DLGAP4: variants seen among roughly 807,000 people sequenced by gnomAD.
DLGAP4 encodes DLG associated protein 4, also known as disks large-associated protein 4.
DLGAP4 carries 18 observed loss-of-function variants against 86.9 expected under a neutral mutation model. The observed-to-expected ratio is 0.21, with a 90% CI of 0.14 to 0.31. The LOEUF (loss-of-function observed/expected upper bound fraction) is 0.31. DLGAP4 is among the 10% of genes least tolerant of loss of function. The probability of loss-of-function intolerance (pLI) is 1.00; values close to 1 mark genes in which losing one functional copy is unlikely to be tolerated. For missense variants in DLGAP4, 1,085 were observed against 1,362.6 expected, an observed-to-expected ratio of 0.80 and a Z score of 3.21; for synonymous variants, 548 against 574.3, an observed-to-expected ratio of 0.95 and a Z score of 0.65.
At chr20:36,313,825 A>T (rs2065073666) in intron 1 of DLGAP4, among the ~76,000 whole-genome samples, 2 of 151,962 alleles carry the variant, frequency 1.3e-5, no homozygotes, top group Non-Finnish European at 2.9e-5. Context: ...GAGAAGGTAG[A>T]CCCCAGGCAA....
chr20:36,526,703 C>A, intron 12 of DLGAP4, 110 bp from the exon 13 acceptor site: 2 of 996,504 alleles, frequency 2.0e-6, no homozygotes, highest in Non-Finnish European at 2.9e-6. Context: ...GTGCCCGATG[C>A]GGGGAGGCTG....
chr20:36,485,123 C>T (rs759987480), intron 7 of DLGAP4, among the ~76,000 whole-genome samples: 83 of 152,064 alleles, frequency 5.5e-4, no homozygotes, highest in Non-Finnish European at 8.4e-4. Flanking sequence ...AGGTGGCTCG[C>T]GCCAGTAATC....
At position 36,497,024 on chromosome 20, in the gene DLGAP4, C is replaced by T. The variant is rs370233932; in HGVS notation, c.1968C>T (p.Pro656=). 67 of 1,610,394 alleles carry T rather than the reference C, an allele frequency of 4.2e-5. No homozygotes were observed. In the East Asian group the frequency reaches 4.9e-4, roughly 12 times the overall value. The stretch of plus-strand genomic sequence containing the variant: ...CGCTGACCAGCTCTGAGTCCCACCC[C>T]GAGGCCGCCCCCAAAAGGAAACTGT... ...QGTLTSSESH[P]EAAPKRKLSS... Residue 656 remains proline (P), a synonymous_variant, in exon 8 of 13, where the codon CCC becomes CCT. Coordinates refer to ENST00000339266, the MANE Select transcript of DLGAP4 (RefSeq NM_001365621.2).
chr20:36,312,992 G>A (rs2065066401), intron 1 of DLGAP4, among the ~76,000 whole-genome samples: 1 of 152,088 alleles, frequency 6.6e-6, no homozygotes, highest in African/African-American at 2.4e-5. Context: ...GTAGAGGTGG[G>A]AGTTTGGTTT....
intron 10 of DLGAP4, among the ~76,000 whole-genome samples, chr20:36,505,138 C>T (rs1404963077): frequency 6.6e-6 from 1 of 152,074 alleles, no homozygotes; most frequent in Non-Finnish European, 1.5e-5. Flanking sequence ...CATGTGCGTG[C>T]CACCATGCCT....
chr20:36,397,762 T>C (rs1165798359), intron 2 of DLGAP4, among the ~76,000 whole-genome samples: 1 of 152,238 alleles, frequency 6.6e-6, no homozygotes, highest in Non-Finnish European at 1.5e-5. Flanking sequence ...ATGGGTAATT[T>C]TCAGTTATCT....
chr20:36,373,797 C>A (rs767520073), intron 2 of DLGAP4, among the ~76,000 whole-genome samples: 2 of 152,098 alleles, frequency 1.3e-5, no homozygotes, highest in Non-Finnish European at 2.9e-5. Context: ...CTTTGGGAGG[C>A]CAAGGCAGGC....
At chr20:36,502,813 T>A (rs2036201104) in intron 10 of DLGAP4, among the ~76,000 whole-genome samples, 1 of 152,008 alleles carries the variant, frequency 6.6e-6, no homozygotes, top group African/African-American at 2.4e-5. Context: ...AACCTCCACC[T>A]CCTGGGTTCA....
intron 2 of DLGAP4, among the ~76,000 whole-genome samples, chr20:36,423,455 CAAAAAAAAAAAAAAAAA>C (rs11434258): frequency 6.1e-5 from 1 of 16,334 alleles, no homozygotes; most frequent in Non-Finnish European, 1.0e-4. Context: ...GACTCCGTCT[CAAAAAAAAAAAAAAAAA>C]AAAAAAAAAA....
intron 2 of DLGAP4, among the ~76,000 whole-genome samples, chr20:36,428,861 T>C (rs2033050836): frequency 1.3e-5 from 2 of 152,252 alleles, no homozygotes; most frequent in African/African-American, 4.8e-5. Context: ...AGTCCCACTT[T>C]GTTGCCCAGG....
Position 36,496,904 on chromosome 20 carries a change from C to T in DLGAP4, c.1848C>T (p.Thr616=), listed in dbSNP as rs1396768351. The change falls in exon 8 of 13, where the codon ACC becomes ACT. Residue 616 remains threonine (T), a synonymous_variant. Coordinates refer to ENST00000339266, the MANE Select transcript of DLGAP4 (RefSeq NM_001365621.2). ...CGTCGGACAGCCTGGACAGCAGTAC[C>T]CGACCGCCCAGCGTGACACGGGGTG... ...SNSSDSLDSS[T]RPPSVTRGGV... is the part of the protein sequence containing the mutation. 3 of 1,614,078 alleles carry T rather than the reference C, an allele frequency of 1.9e-6. No homozygotes were observed. The African/African-American group carries it at 4.0e-5, about 22-fold the overall frequency.
At chr20:36,384,909 A>G (rs1458690466) in intron 2 of DLGAP4, among the ~76,000 whole-genome samples, 2 of 152,190 alleles carry the variant, frequency 1.3e-5, no homozygotes, top group Non-Finnish European at 2.9e-5. Context: ...GCATAACCAC[A>G]TTGGTGAAGA....
At chr20:36,425,006 C>G (rs185395683) in intron 2 of DLGAP4, among the ~76,000 whole-genome samples, 1 of 152,062 alleles carries the variant, frequency 6.6e-6, no homozygotes, top group Non-Finnish European at 1.5e-5. Context: ...CCCAGCCTTA[C>G]ACTCCTTTTC....
intron 2 of DLGAP4, among the ~76,000 whole-genome samples, chr20:36,404,841 C>G (rs924347819): frequency 5.9e-5 from 9 of 152,228 alleles, no homozygotes; most frequent in African/African-American, 2.2e-4. Context: ...GCCCACCAGT[C>G]CCATGGGGAC....
intron 7 of DLGAP4, among the ~76,000 whole-genome samples, chr20:36,486,715 AT>A (rs1474162031): frequency 6.6e-6 from 1 of 151,982 alleles, no homozygotes; most frequent in East Asian, 1.9e-4. Flanking sequence ...GGTTCAAGTG[AT>A]TCTCCTGTTT....
At chr20:36,339,145 G>A (rs570674288) in intron 1 of DLGAP4, among the ~76,000 whole-genome samples, 1 of 152,344 alleles carries the variant, frequency 6.6e-6, no homozygotes, top group Non-Finnish European at 1.5e-5. Flanking sequence ...CTGGAGTGCA[G>A]TGGTGCGATC....
intron 10 of DLGAP4, among the ~76,000 whole-genome samples, chr20:36,521,240 C>T (rs528543722): frequency 2.0e-5 from 3 of 152,210 alleles, no homozygotes; most frequent in African/African-American, 4.8e-5. Context: ...GGATTACAGG[C>T]GTGAGCCTCC....
At chr20:36,510,873 C>T (rs1431432490) in intron 10 of DLGAP4, 2 of 152,148 alleles carry the variant, frequency 1.3e-5, no homozygotes, top group Non-Finnish European at 1.5e-5. Flanking sequence ...ATATAACTTT[C>T]AATTACCATG....
At chr20:36,412,603 G>A (rs1025730352) in intron 2 of DLGAP4, among the ~76,000 whole-genome samples, 3 of 152,166 alleles carry the variant, frequency 2.0e-5, no homozygotes, top group African/African-American at 4.8e-5. Flanking sequence ...TATAGAACGG[G>A]ACCAACAATG....
Sources: gnomAD v4.1 joint callset for allele counts (sites outside exome capture counted in the v4.1 genomes callset) on GRCh38, gnomAD v4.1.1 for gene constraint, MANE v1.5 for transcripts, NCBI Gene and HGNC (gene_info 2026-07-23, HGNC 2026-07-21) for gene names.